KCNJ10: variants seen among roughly 807,000 people sequenced by gnomAD.
KCNJ10 encodes the protein potassium inwardly rectifying channel subfamily J member 10, also known as ATP-sensitive inward rectifier potassium channel 10.
Under a neutral mutation model 22.2 loss-of-function variants are expected in KCNJ10, and 9 were observed. The ratio of observed to expected loss-of-function variants is 0.40; its 90% confidence interval spans 0.24 to 0.71. The LOEUF (loss-of-function observed/expected upper bound fraction) is 0.71. Ranked by LOEUF, KCNJ10 falls within the 30% of genes least tolerant of loss-of-function variation. KCNJ10 has a pLI of 0.35. For missense variants in KCNJ10, 337 were observed against 482.7 expected, an observed-to-expected ratio of 0.70 and a Z score of 2.83; for synonymous variants, 184 against 187.3, an observed-to-expected ratio of 0.98 and a Z score of 0.15.
chr1:160,045,135 C>G (rs1209652091), intron 1 of KCNJ10, among the ~76,000 whole-genome samples: 1 of 152,122 alleles, frequency 6.6e-6, no homozygotes, highest in Non-Finnish European at 1.5e-5. Flanking sequence ...TCATTATGAC[C>G]TGGGGATAAG....
intron 1 of KCNJ10, among the ~76,000 whole-genome samples, chr1:160,049,058 TCC>T (rs774522635): frequency 7.2e-5 from 11 of 152,226 alleles, no homozygotes; most frequent in Non-Finnish European, 1.3e-4. Flanking sequence ...AAGATTATAA[TCC>T]TTGTTTTACG....
At chr1:160,066,874 T>C (rs1459152730) in intron 1 of KCNJ10, among the ~76,000 whole-genome samples, 1 of 152,194 alleles carries the variant, frequency 6.6e-6, no homozygotes, top group Non-Finnish European at 1.5e-5. Context: ...GTTGGTTTTT[T>C]TGGTCCAGAA....
chr1:160,057,597 C>A (rs551208869), intron 1 of KCNJ10, among the ~76,000 whole-genome samples: 2 of 152,348 alleles, frequency 1.3e-5, no homozygotes, highest in East Asian at 3.9e-4. Flanking sequence ...TTGTCTGCCC[C>A]CAGCCTCAGG....
At chr1:160,063,738 C>T (rs1475915671) in intron 1 of KCNJ10, 1 of 152,296 alleles carries the variant, frequency 6.6e-6, no homozygotes, top group Non-Finnish European at 1.5e-5. Context: ...GGAACTTGCA[C>T]AGGTCACTTT....
Position 160,042,390 on chromosome 1 carries a change from C to G in KCNJ10, c.143G>C (p.Arg48Pro), listed in dbSNP as rs201907875. The G allele has an allele frequency of 3.7e-6, 6 of 1,614,138 alleles. No individual in the cohort carries two copies. Among genetic ancestry groups the G allele is most frequent in the Middle Eastern group, 3.3e-4 (2 of 6,062 alleles). The stretch of plus-strand genomic sequence containing the variant: ...CCACAGGTCCTTGAGGTAGAGGAAG[C>G]GCTTGTCGGCAATGTGCTCCATTCT... The part of the protein sequence containing the change: ...NVRMEHIADK[R>P]FLYLKDLWTT... The change falls in exon 2 of 2, where the codon CGC becomes CCC. Residue 48 changes from arginine to proline, a missense_variant. Arg to Pro is a moderately radical substitution (Grantham distance 103, BLOSUM62 -2). This residue lies in a region of KCNJ10 where 107 missense variants were observed against 135.2 expected (regional missense o/e 0.79). Coordinates refer to ENST00000644903, the MANE Select transcript of KCNJ10 (RefSeq NM_002241.5).
rs1085307763 is a variant in KCNJ10, at chr1:160,041,527, C to T, written c.1006G>A (p.Val336Met). The change falls in exon 2 of 2, where the codon GTG becomes ATG. Residue 336 changes from valine (V) to methionine (M), a missense_variant. This residue lies in a region of KCNJ10 where 65 missense variants were observed against 66.0 expected (regional missense o/e 0.98). Transcript: ENST00000644903. The surrounding 1 kb of genome is among the most constrained non-coding windows in gnomAD (Gnocchi z 4.4). ...TCACGGAGGCCACTAGGAGAGGCCACTTTCACAACTTGGTCAAAAAGGCTA... is the reference window on the plus strand; with the variant it reads ...TCACGGAGGCCACTAGGAGAGGCCATTTTCACAACTTGGTCAAAAAGGCTA... ...DFSLFDQVVKVASPSGLRDST... is the reference protein window; with the variant it reads ...DFSLFDQVVKMASPSGLRDST... 3.7e-6 allele frequency: 6 copies of T among 1,614,064 alleles called. No homozygotes were observed. Among genetic ancestry groups the T allele is most frequent in the Admixed American group, 1.7e-5 (1 of 60,002 alleles).
rs551154322 is a variant in KCNJ10, at chr1:160,042,597, C to G, written c.1-65G>C. ...AATCCAGCTGACTCCTAACCCTCAC[C>G]CCATGGGAGGGAGGAATTAACATTC... On this transcript the variant is annotated intron_variant, in intron 1 of 1. Transcript: ENST00000644903. 9 of 1,350,346 alleles carry G rather than the reference C, an allele frequency of 6.7e-6. No homozygotes were observed. The Middle Eastern group carries it at 1.4e-3, about 215-fold the overall frequency. The allele number at this position is 1,350,346 out of a possible 1,614,324, so 83.6% of individuals were successfully genotyped here.
Position 160,040,777 on chromosome 1 carries a change from A to G in KCNJ10, c.*616T>C. 1 of 397,994 alleles carries G rather than the reference A, an allele frequency of 2.5e-6. No individual in the cohort carries two copies. The highest frequency in any genetic ancestry group is 4.1e-5 in the Admixed American group (1 of 24,236). 24.7% of individuals were successfully genotyped at this position (397,994 alleles called of 1,614,324 possible). On this transcript the variant is annotated 3_prime_UTR_variant, in exon 2 of 2. Coordinates refer to ENST00000644903, the MANE Select transcript of KCNJ10 (RefSeq NM_002241.5). ...GGTATCCTGAGAGTGTTCACTTGAG[A>G]AACTACAGAGGGAAAACAGTGGCGA... is the stretch of plus-strand genomic sequence containing the variant.
rs1055846790 is a variant in KCNJ10, at chr1:160,038,167, C to T, written c.*3226G>A. 3.2e-4 allele frequency: 48 copies of T among 152,224 alleles called. No homozygotes were observed. Among genetic ancestry groups the T allele is most frequent in the African/African-American group, 1.1e-3 (45 of 41,440 alleles). 9.4% of individuals were successfully genotyped at this position (152,224 alleles called of 1,614,324 possible). On this transcript the variant is annotated 3_prime_UTR_variant, in exon 2 of 2. Transcript: ENST00000644903. ...GCCTCCCATACACCAAAGTGTTCAG[C>T]TCCTGAGTTTGATTTCAGGGGCTAG...
At chr1:160,059,734 G>A (rs557946461) in intron 1 of KCNJ10, among the ~76,000 whole-genome samples, 5 of 152,166 alleles carry the variant, frequency 3.3e-5, no homozygotes, top group Admixed American at 2.0e-4. Context: ...CTTTGAGGCC[G>A]CTGGAAACCC....
chr1:160,044,063 C>A (rs16831318), intron 1 of KCNJ10, among the ~76,000 whole-genome samples: 2,433 of 152,150 alleles, frequency 0.016, 65 homozygotes, highest in African/African-American at 0.049. Flanking sequence ...ATGGCCTTGT[C>A]CCTGGAAAAC....
intron 1 of KCNJ10, among the ~76,000 whole-genome samples, chr1:160,054,144 G>A (rs1037111126): frequency 2.0e-5 from 3 of 152,192 alleles, no homozygotes; most frequent in Admixed American, 2.0e-4. Flanking sequence ...TGACAAGTGG[G>A]TGCTGCCTCT....
chr1:160,062,232 C>T (rs1649218011), intron 1 of KCNJ10, among the ~76,000 whole-genome samples: 1 of 152,098 alleles, frequency 6.6e-6, no homozygotes, highest in South Asian at 2.1e-4. Context: ...CCCCCGTGCT[C>T]TCTGGGCCCT....
At position 160,054,770 on chromosome 1, in the gene KCNJ10, C is replaced by T. The variant is rs1446274514; in HGVS notation, c.1-12238G>A. On this transcript the variant is annotated intron_variant, in intron 1 of 1. Transcript: ENST00000644903. ...ATCCCCAACTTATCTCCAAAGACTGCTGGTTGAGGGGATCAACCTAGTTTA... is the reference window on the plus strand; with the variant it reads ...ATCCCCAACTTATCTCCAAAGACTGTTGGTTGAGGGGATCAACCTAGTTTA... Among the ~76,000 whole-genome samples the T allele has an allele frequency of 2.6e-5, 4 of 151,620 alleles. No individual in the cohort carries two copies. The South Asian group carries it at 6.3e-4, about 24-fold the overall frequency.
chr1:160,063,510 C>G (rs529669434), intron 1 of KCNJ10: 1 of 152,562 alleles, frequency 6.6e-6, no homozygotes, highest in South Asian at 2.1e-4. Flanking sequence ...ATCGGAAGTT[C>G]TCCCTGCTGT....
chr1:160,069,035 T>C (rs1387370324), intron 1 of KCNJ10, among the ~76,000 whole-genome samples: 1 of 152,190 alleles, frequency 6.6e-6, no homozygotes, highest in African/African-American at 2.4e-5. Context: ...AGAATTTGTA[T>C]TGGTAAGCAA....
chr1:160,045,993 G>A (rs555163493), intron 1 of KCNJ10, among the ~76,000 whole-genome samples: 22 of 152,262 alleles, frequency 1.4e-4, no homozygotes, highest in African/African-American at 5.1e-4. Flanking sequence ...ATCCTATGGC[G>A]GAGATAAAAG....
At chr1:160,059,728 G>T (rs1257159004) in intron 1 of KCNJ10, among the ~76,000 whole-genome samples, 3 of 152,172 alleles carry the variant, frequency 2.0e-5, no homozygotes, top group Non-Finnish European at 2.9e-5. Context: ...GGATTCCTTT[G>T]AGGCCGCTGG....
chr1:160,043,456 A>G (rs568272602), intron 1 of KCNJ10, among the ~76,000 whole-genome samples: 12 of 152,094 alleles, frequency 7.9e-5, no homozygotes, highest in South Asian at 2.1e-4. Flanking sequence ...AGACCATTTC[A>G]TTTTTTATCA....
Sources: allele counts gnomAD v4.1 joint callset (sites outside exome capture counted in the v4.1 genomes callset), GRCh38; gene constraint gnomAD v4.1.1; regional missense constraint gnomAD v4.1.1; non-coding constraint Gnocchi (gnomAD v3.1); transcripts MANE v1.5; gene names NCBI Gene and HGNC (gene_info 2026-07-23, HGNC 2026-07-21).